Variants in SNTG1 observed in about 807,000 individuals in gnomAD.
The protein encoded by SNTG1 is syntrophin gamma 1.
In SNTG1, 39 loss-of-function variants were observed where a neutral mutation model predicts 74.7. The ratio of observed to expected loss-of-function variants is 0.52; its 90% CI spans 0.40 to 0.68. The LOEUF (loss-of-function observed/expected upper bound fraction) is 0.68. SNTG1 is among the 30% of genes least tolerant of loss of function. SNTG1 has a pLI of 0.00. For missense variants in SNTG1, 685 were observed against 609.5 expected (o/e 1.12, Z -1.30); for synonymous variants, 254 against 217.1 (o/e 1.17, Z -1.49).
At chr8:50,246,827 A>C (rs2086422175) in intron 2 of SNTG1, among the ~76,000 whole-genome samples, 1 of 152,222 alleles carries the variant, frequency 6.6e-6, no homozygotes, top group African/African-American at 2.4e-5. Context: ...TGACTGGTCC[A>C]CTTTGGCATT....
chr8:50,166,597 G>A (rs2082621328), intron 1 of SNTG1, among the ~76,000 whole-genome samples: 1 of 56,886 alleles, frequency 1.8e-5, no homozygotes, highest in Middle Eastern at 6.2e-3. Flanking sequence ...AGTTAGAATG[G>A]CAATCATTAA....
chr8:50,624,246 A>C (rs2094942271), intron 13 of SNTG1, among the ~76,000 whole-genome samples: 1 of 152,010 alleles, frequency 6.6e-6, no homozygotes, highest in Non-Finnish European at 1.5e-5. Flanking sequence ...TTTAATTCTA[A>C]TGCCTCTCAC....
intron 2 of SNTG1, among the ~76,000 whole-genome samples, chr8:50,182,967 C>T (rs1376956667): frequency 6.6e-6 from 1 of 152,096 alleles, no homozygotes; most frequent in Non-Finnish European, 1.5e-5. Context: ...TCAGAGACAC[C>T]ATCCCAAGAT....
intron 1 of SNTG1, among the ~76,000 whole-genome samples, chr8:49,935,377 C>T (rs1807974414): frequency 7.2e-6 from 1 of 137,976 alleles, no homozygotes; most frequent in Non-Finnish European, 1.5e-5. Flanking sequence ...AAAGGGCCCC[C>T]AAAGCCATTA....
intron 8 of SNTG1, among the ~76,000 whole-genome samples, chr8:50,455,022 A>G (rs967946018): frequency 1.4e-4 from 22 of 152,134 alleles, no homozygotes; most frequent in Admixed American, 4.6e-4. Flanking sequence ...AAAAATTTTA[A>G]GAAAACTATT....
intron 1 of SNTG1, among the ~76,000 whole-genome samples, chr8:50,068,850 TGTCA>T (rs1407726044): frequency 6.6e-6 from 1 of 152,222 alleles, no homozygotes; most frequent in East Asian, 1.9e-4. Context: ...GCTGCTGTCT[TGTCA>T]GTCAGCTCCC....
chr8:50,237,092 T>A (rs1237580483), intron 2 of SNTG1, among the ~76,000 whole-genome samples: 1 of 152,218 alleles, frequency 6.6e-6, no homozygotes, highest in African/African-American at 2.4e-5. Context: ...AGATTATAAA[T>A]TAAGAATCAC....
chr8:50,358,677 A>G (rs1166047144), intron 2 of SNTG1, among the ~76,000 whole-genome samples: 1 of 152,204 alleles, frequency 6.6e-6, no homozygotes. Flanking sequence ...GACTGATGAA[A>G]GTATTAAAAA....
At chr8:50,659,264 G>A (rs1029813214) in intron 15 of SNTG1, among the ~76,000 whole-genome samples, 3 of 152,212 alleles carry the variant, frequency 2.0e-5, no homozygotes, top group Non-Finnish European at 4.4e-5. Flanking sequence ...GGTTTCTATA[G>A]CGTTTTTTAA....
intron 11 of SNTG1, among the ~76,000 whole-genome samples, chr8:50,551,705 C>G (rs1310541029): frequency 6.6e-6 from 1 of 152,136 alleles, no homozygotes; most frequent in African/African-American, 2.4e-5. Context: ...TTCAAACTAA[C>G]TTTCTTTCAA....
intron 1 of SNTG1, among the ~76,000 whole-genome samples, chr8:50,064,551 A>T (rs925722617): frequency 6.6e-6 from 1 of 152,120 alleles, no homozygotes; most frequent in African/African-American, 2.4e-5. Flanking sequence ...TTTAGACCCA[A>T]ATATTTGCTG....
chr8:50,566,413 C>T (rs1292561422), intron 12 of SNTG1, among the ~76,000 whole-genome samples: 4 of 152,084 alleles, frequency 2.6e-5, no homozygotes, highest in Middle Eastern at 3.4e-3. Flanking sequence ...TGGAAAATCA[C>T]AGAAACCATT....
At chr8:50,113,590 G>A (rs2080693111) in intron 1 of SNTG1, among the ~76,000 whole-genome samples, 3 of 152,072 alleles carry the variant, frequency 2.0e-5, no homozygotes, top group African/African-American at 7.2e-5. Flanking sequence ...TCTCCTGCCT[G>A]ATTGCCCTGG....
chr8:49,965,454 T>C (rs1811054913), intron 1 of SNTG1, among the ~76,000 whole-genome samples: 1 of 152,208 alleles, frequency 6.6e-6, no homozygotes, highest in African/African-American at 2.4e-5. Context: ...TTCACTTTGA[T>C]TCTCATGCTT....
intron 2 of SNTG1, among the ~76,000 whole-genome samples, chr8:50,221,314 T>C (rs1268720319): frequency 1.3e-5 from 2 of 152,064 alleles, no homozygotes; most frequent in African/African-American, 4.8e-5. Context: ...TGTTAAGGAA[T>C]GTGCAGTAGA....
intron 15 of SNTG1, among the ~76,000 whole-genome samples, chr8:50,697,858 T>A (rs2095410498): frequency 6.6e-6 from 1 of 152,212 alleles, no homozygotes; most frequent in South Asian, 2.1e-4. Flanking sequence ...ATAATTTTTA[T>A]ATCTGTGTTA....
intron 1 of SNTG1, among the ~76,000 whole-genome samples, chr8:50,034,080 T>G (rs996767242): frequency 6.6e-6 from 1 of 152,168 alleles, no homozygotes; most frequent in East Asian, 1.9e-4. Flanking sequence ...AGAAATGAAA[T>G]ATTTTCTTCT....
intron 1 of SNTG1, among the ~76,000 whole-genome samples, chr8:50,063,491 G>A (rs537358175): frequency 6.6e-6 from 1 of 152,270 alleles, no homozygotes; most frequent in Non-Finnish European, 1.5e-5. Flanking sequence ...TTGCCAGTAG[G>A]ATCAGGATAC....
intron 9 of SNTG1, among the ~76,000 whole-genome samples, chr8:50,503,844 C>A (rs2093984148): frequency 6.6e-6 from 1 of 152,130 alleles, no homozygotes; most frequent in South Asian, 2.1e-4. Flanking sequence ...TGGAAACGTT[C>A]TTTTATTTAA....
Sources: gnomAD v4.1 joint callset for allele counts (sites outside exome capture counted in the v4.1 genomes callset) on GRCh38, gnomAD v4.1.1 for gene constraint, MANE v1.5 for transcripts, NCBI Gene and HGNC (gene_info 2026-07-23, HGNC 2026-07-21) for gene names.